ZNRF2: variants seen among roughly 807,000 people sequenced by gnomAD.
The protein encoded by ZNRF2 is E3 ubiquitin-protein ligase ZNRF2.
A neutral mutation model predicts 20.4 loss-of-function variants in ZNRF2; 16 were observed. That is an observed-to-expected ratio of 0.79 (90% CI 0.53 to 1.19). The LOEUF (loss-of-function observed/expected upper bound fraction) is 1.19. Among genes scored for constraint, ZNRF2 ranks in the 50% most tolerant of loss-of-function variants. The pLI is 0.00. For synonymous variants in ZNRF2, 178 were observed against 144.9 expected, an observed-to-expected ratio of 1.23 and a Z score of -1.64; for missense variants, 363 against 332.4, an observed-to-expected ratio of 1.09 and a Z score of -0.72.
chr7:30,357,236 T>G (rs1800055095), intron 3 of ZNRF2, among the ~76,000 whole-genome samples: 1 of 152,170 alleles, frequency 6.6e-6, no homozygotes, highest in Non-Finnish European at 1.5e-5. Flanking sequence ...CATGAAGTAT[T>G]ATAGAAATTG....
At chr7:30,342,651 TTTA>T (rs1339273992) in intron 2 of ZNRF2, among the ~76,000 whole-genome samples, 3 of 152,168 alleles carry the variant, frequency 2.0e-5, no homozygotes, top group Non-Finnish European at 4.4e-5. Flanking sequence ...GTTTATATTA[TTTA>T]TTGTGCTTTC....
chr7:30,364,440 A>T (rs144346956), intron 4 of ZNRF2, among the ~76,000 whole-genome samples: 1 of 152,164 alleles, frequency 6.6e-6, no homozygotes, highest in Non-Finnish European at 1.5e-5. Flanking sequence ...CTATGAACAC[A>T]CCAGTGCACT....
chr7:30,351,271 T>A lies in ZNRF2; in HGVS notation c.566-4457T>A, dbSNP rs1352072210. ...TTATATATTTTAAGGTTTCATATTTTACCAAAATTAAATTAAAAATTCAGT... is the reference window on the plus strand; with the variant it reads ...TTATATATTTTAAGGTTTCATATTTAACCAAAATTAAATTAAAAATTCAGT... On this transcript the variant is annotated intron_variant, in intron 2 of 4. Coordinates refer to ENST00000323037, the MANE Select transcript of ZNRF2 (RefSeq NM_147128.4). Among the ~76,000 whole-genome samples, 3 of 152,158 alleles carry A rather than the reference T, an allele frequency of 2.0e-5. No individual in the cohort carries two copies. The East Asian group carries it at 5.8e-4, about 29-fold the overall frequency.
chr7:30,320,234 A>G (rs1372486721), intron 1 of ZNRF2, among the ~76,000 whole-genome samples: 1 of 152,070 alleles, frequency 6.6e-6, no homozygotes, highest in Non-Finnish European at 1.5e-5. Context: ...AGATCTTTCT[A>G]TATATACATA....
Position 30,323,640 on chromosome 7 carries a change from A to G in ZNRF2, c.470-2A>G. On this transcript the variant is annotated splice_acceptor_variant, in intron 1 of 4. Transcript: ENST00000323037. LOFTEE classifies it high-confidence loss of function. ...GTAACTTGAGTTTCTTTTGTTTTTT[A>G]GGATTTAAGTGCCCTGTATGCTCAA... The G allele has an allele frequency of 1.3e-6, 2 of 1,574,494 alleles. No individual in the cohort carries two copies. Among genetic ancestry groups the G allele is most frequent in the Non-Finnish European group, 1.7e-6 (2 of 1,163,138 alleles).
intron 1 of ZNRF2, among the ~76,000 whole-genome samples, chr7:30,316,029 C>T (rs1309230667): frequency 6.6e-6 from 1 of 151,878 alleles, no homozygotes; most frequent in Admixed American, 6.6e-5. Flanking sequence ...TGGCTCACAC[C>T]TGTAATCCCA....
intron 1 of ZNRF2, among the ~76,000 whole-genome samples, chr7:30,307,390 G>A (rs1460218918): frequency 8.4e-6 from 1 of 119,636 alleles, no homozygotes; most frequent in African/African-American, 3.2e-5. Flanking sequence ...AAGGAGAAAA[G>A]TCTTTCTCAC....
chr7:30,340,299 TGA>T (rs1212677790), intron 2 of ZNRF2, among the ~76,000 whole-genome samples: 3 of 152,196 alleles, frequency 2.0e-5, no homozygotes, highest in African/African-American at 7.2e-5. Flanking sequence ...ATAGGAGTGG[TGA>T]GAGAGAGCAT....
chr7:30,300,466 A>C (rs780533266), intron 1 of ZNRF2, among the ~76,000 whole-genome samples: 21 of 152,152 alleles, frequency 1.4e-4, no homozygotes, highest in Non-Finnish European at 2.6e-4. Context: ...CAAATGTTTA[A>C]TTAATGATAG....
chr7:30,335,958 C>T (rs781292844), intron 2 of ZNRF2, among the ~76,000 whole-genome samples: 11 of 152,038 alleles, frequency 7.2e-5, no homozygotes, highest in Non-Finnish European at 1.3e-4. Context: ...GTGCTGGAAA[C>T]GACTTGAAGG....
At position 30,285,736 on chromosome 7, in the gene ZNRF2, G is replaced by A. The variant is rs1203633005; in HGVS notation, c.379G>A (p.Gly127Ser). ...CAGCAGCCCTGAGGACGGCGGCGGC[G>A]GCCGGGACCGGCCGGTGGGCGGGAG... ...VHSSPEDGGG[G>S]RDRPVGGSPG... The change falls in exon 1 of 5, where the codon GGC becomes AGC. Residue 127 changes from glycine to serine, a missense_variant. Gly to Ser is a moderately conservative substitution (Grantham distance 56). Coordinates refer to ENST00000323037, the MANE Select transcript of ZNRF2 (RefSeq NM_147128.4). 4 of 1,472,636 alleles carry A rather than the reference G, an allele frequency of 2.7e-6. No individual in the cohort carries two copies. The highest frequency in any genetic ancestry group is 5.7e-5 in the East Asian group (2 of 35,174). 91.2% of individuals were successfully genotyped at this position (1,472,636 alleles called of 1,614,324 possible).
chr7:30,319,613 G>A (rs1799435557), intron 1 of ZNRF2, among the ~76,000 whole-genome samples: 1 of 152,172 alleles, frequency 6.6e-6, no homozygotes, highest in Non-Finnish European at 1.5e-5. Context: ...TATTGTCCAG[G>A]TATGGAAGAA....
At chr7:30,311,260 G>A (rs1321423713) in intron 1 of ZNRF2, among the ~76,000 whole-genome samples, 3 of 152,088 alleles carry the variant, frequency 2.0e-5, no homozygotes, top group Admixed American at 2.0e-4. Context: ...ATTTTACCCC[G>A]AGTGTAATTT....
intron 3 of ZNRF2, among the ~76,000 whole-genome samples, chr7:30,361,322 G>T (rs1800123437): frequency 6.6e-6 from 1 of 152,198 alleles, no homozygotes; most frequent in African/African-American, 2.4e-5. Context: ...ATATTTGAAA[G>T]AACCTGTTGA....
chr7:30,299,858 C>T (rs990092161), intron 1 of ZNRF2, among the ~76,000 whole-genome samples: 12 of 149,222 alleles, frequency 8.0e-5, no homozygotes, highest in Admixed American at 3.4e-4. Context: ...CGGCTCACTA[C>T]GAGCTCTGCC....
intron 2 of ZNRF2, among the ~76,000 whole-genome samples, chr7:30,327,937 G>A (rs572386944): frequency 1.5e-4 from 23 of 152,234 alleles, no homozygotes; most frequent in African/African-American, 5.5e-4. Context: ...ACAGCAAGAA[G>A]CAAATACAGC....
chr7:30,314,916 A>G (rs1034362054), intron 1 of ZNRF2, among the ~76,000 whole-genome samples: 2 of 151,788 alleles, frequency 1.3e-5, no homozygotes, highest in African/African-American at 2.4e-5. Flanking sequence ...TCCTGGGTTC[A>G]CACCATTCTC....
intron 1 of ZNRF2, among the ~76,000 whole-genome samples, chr7:30,299,933 C>A (rs749163748): frequency 4.0e-5 from 6 of 151,812 alleles, no homozygotes; most frequent in Non-Finnish European, 8.8e-5. Context: ...GCGCCCGCCA[C>A]CACACCCGGC....
At chr7:30,296,556 A>G (rs13307727) in intron 1 of ZNRF2, among the ~76,000 whole-genome samples, 2 of 152,180 alleles carry the variant, frequency 1.3e-5, no homozygotes, top group Non-Finnish European at 1.5e-5. Context: ...TGGTGCTTCA[A>G]CACCCTTCAG....
Sources: gnomAD v4.1 joint callset for allele counts (sites outside exome capture counted in the v4.1 genomes callset) on GRCh38, gnomAD v4.1.1 for gene constraint, MANE v1.5 for transcripts, NCBI Gene and HGNC (gene_info 2026-07-23, HGNC 2026-07-21) for gene names.